Variants in CSMD1 observed in about 807,000 individuals in gnomAD.
CSMD1 encodes CUB and sushi domain-containing protein 1.
In CSMD1, 213 loss-of-function variants were observed where a neutral mutation model predicts 417.5. The observed-to-expected ratio is 0.51, with a 90% CI of 0.46 to 0.57. The LOEUF (loss-of-function observed/expected upper bound fraction) is 0.57, where lower values mean the gene tolerates loss of function less well. CSMD1 is among the 20% of genes least tolerant of loss of function. CSMD1 has a pLI of 0.00. For synonymous variants in CSMD1, 2,862 were observed against 1,736.8 expected (o/e 1.65, Z -16.11); for missense variants, 6,923 against 4,529.7 (o/e 1.53, Z -15.17).
At chr8:3,996,130 A>C (rs1815194554) in intron 5 of CSMD1, among the ~76,000 whole-genome samples, 2 of 152,214 alleles carry the variant, frequency 1.3e-5, no homozygotes, top group Non-Finnish European at 2.9e-5. Context: ...TTTCTTTGGC[A>C]AAAGCTGCCA....
chr8:3,239,244 G>C (rs770032162), intron 26 of CSMD1, among the ~76,000 whole-genome samples: 12 of 152,114 alleles, frequency 7.9e-5, no homozygotes, highest in Admixed American at 2.6e-4. Context: ...TGAATACCAA[G>C]AGCCTGAAAA....
intron 3 of CSMD1, among the ~76,000 whole-genome samples, chr8:4,355,150 T>A (rs1229128500): frequency 1.3e-5 from 2 of 151,882 alleles, no homozygotes; most frequent in Non-Finnish European, 2.9e-5. Context: ...CAGTCCCAGC[T>A]ACTCAGGAGG....
At chr8:4,345,470 C>G (rs377306747) in intron 3 of CSMD1, among the ~76,000 whole-genome samples, 1 of 145,842 alleles carries the variant, frequency 6.9e-6, no homozygotes, top group African/African-American at 2.5e-5. Flanking sequence ...GGAATTACAT[C>G]AAACTACAAA....
At chr8:4,569,095 G>C (rs1391000595) in intron 2 of CSMD1, among the ~76,000 whole-genome samples, 1 of 152,114 alleles carries the variant, frequency 6.6e-6, no homozygotes, top group Admixed American at 6.6e-5. Context: ...TGTTCACTGT[G>C]ATGATAGTTT....
At chr8:3,096,796 G>T in intron 47 of CSMD1, 53 bp downstream of exon 47, 1 of 1,137,890 alleles carries the variant, frequency 8.8e-7, no homozygotes, top group Non-Finnish European at 1.2e-6. Context: ...TTGTAATAGT[G>T]TTTTTATCAA....
chr8:3,713,780 T>C (rs1039530358), intron 6 of CSMD1, among the ~76,000 whole-genome samples: 3 of 152,194 alleles, frequency 2.0e-5, no homozygotes, highest in African/African-American at 7.2e-5. Context: ...CAGAGGAAAT[T>C]GTTTTGTGTA....
intron 2 of CSMD1, among the ~76,000 whole-genome samples, chr8:4,451,298 C>A (rs1154071): frequency 1.3e-5 from 2 of 152,074 alleles, no homozygotes; most frequent in South Asian, 4.1e-4. Flanking sequence ...ATGACTCCAT[C>A]AATCAACCAC....
At chr8:3,991,895 A>G (rs1484772483) in intron 5 of CSMD1, among the ~76,000 whole-genome samples, 4 of 152,196 alleles carry the variant, frequency 2.6e-5, no homozygotes, top group African/African-American at 9.6e-5. Context: ...GAATAGTAGT[A>G]TCTCCAAGTA....
chr8:4,110,043 G>C (rs1285951144), intron 3 of CSMD1, among the ~76,000 whole-genome samples: 3 of 152,142 alleles, frequency 2.0e-5, no homozygotes, highest in Admixed American at 2.0e-4. Flanking sequence ...GCCCAGGCTA[G>C]ACTGAAACTT....
In CSMD1 at chr8:3,533,290, CAATAT is replaced by C. The variant is rs527451845; in HGVS notation, c.1345-39569_1345-39565del. Among the ~76,000 whole-genome samples, 408 of 152,178 alleles carry C rather than the reference CAATAT, an allele frequency of 2.7e-3. 4 individuals are homozygous for C. Among genetic ancestry groups the C allele is most frequent in the African/African-American group, 8.3e-3 (345 of 41,514 alleles). ...TACCTCTTACAAATGTTTAAATGCC[CAATAT>C]AATATAATTAACTATAAACCGAGAT... On this transcript the variant is annotated intron_variant, in intron 10 of 69. Transcript: ENST00000635120.
intron 1 of CSMD1, among the ~76,000 whole-genome samples, chr8:4,981,274 C>G (rs1480644492): frequency 2.0e-5 from 3 of 152,162 alleles, no homozygotes; most frequent in African/African-American, 7.2e-5. Flanking sequence ...AAGCTCTGTC[C>G]AACTTTTCAG....
chr8:3,419,679 T>C (rs527998835), intron 12 of CSMD1, among the ~76,000 whole-genome samples: 96 of 152,244 alleles, frequency 6.3e-4, no homozygotes, highest in African/African-American at 2.3e-3. Context: ...GAGAAATAAT[T>C]CAGATTACTT....
chr8:3,083,979 G>A (rs7350093), intron 49 of CSMD1, among the ~76,000 whole-genome samples: 52,073 of 151,678 alleles, frequency 0.34, 8,967 homozygotes, highest in East Asian at 0.41. Flanking sequence ...TCTATTTTTC[G>A]TTATTACACT....
chr8:4,671,148 C>T (rs1311268575), intron 1 of CSMD1, among the ~76,000 whole-genome samples: 3 of 152,284 alleles, frequency 2.0e-5, no homozygotes, highest in South Asian at 2.1e-4. Flanking sequence ...TCAAATCCTG[C>T]GGCATGATTT....
In CSMD1 at chr8:4,420,083, G is replaced by A; in HGVS notation, c.303-18C>T. ...CCGATAATCTAAATTTAAAAGACAA[G>A]ACACAAAGAGAGTTAAAAGCATGAA... On this transcript the variant is annotated intron_variant, in intron 2 of 69. Coordinates refer to ENST00000635120, the MANE Select transcript of CSMD1 (RefSeq NM_033225.6). 2.0e-6 allele frequency: 3 copies of A among 1,506,396 alleles called. No homozygotes were observed. Among genetic ancestry groups the A allele is most frequent in the South Asian group, 2.4e-5 (2 of 83,050 alleles). The allele number at this position is 1,506,396 out of a possible 1,614,324, so 93.3% of individuals were successfully genotyped here.
intron 4 of CSMD1, among the ~76,000 whole-genome samples, chr8:4,015,983 A>C (rs547673513): frequency 6.6e-6 from 1 of 152,196 alleles, no homozygotes; most frequent in Non-Finnish European, 1.5e-5. Flanking sequence ...GTAGAAAAGC[A>C]CCAAGTCAGA....
At chr8:3,195,353 C>T (rs1044579699) in intron 33 of CSMD1, among the ~76,000 whole-genome samples, 1 of 152,034 alleles carries the variant, frequency 6.6e-6, no homozygotes, top group African/African-American at 2.4e-5. Context: ...CCTCTCTTGG[C>T]CTCTGTTTTC....
At chr8:4,434,087 C>G (rs1262140101) in intron 2 of CSMD1, among the ~76,000 whole-genome samples, 1 of 152,096 alleles carries the variant, frequency 6.6e-6, no homozygotes, top group African/African-American at 2.4e-5. Context: ...CCTGTGATCC[C>G]AGCACTTTGG....
chr8:3,331,002 G>A (rs1379053399), intron 23 of CSMD1, among the ~76,000 whole-genome samples: 1 of 152,048 alleles, frequency 6.6e-6, no homozygotes, highest in African/African-American at 2.4e-5. Context: ...TGTAATCCCA[G>A]GACTTTGGGA....
Sources: gnomAD v4.1 joint callset for allele counts (sites outside exome capture counted in the v4.1 genomes callset) on GRCh38, gnomAD v4.1.1 for gene constraint, MANE v1.5 for transcripts, NCBI Gene and HGNC (gene_info 2026-07-23, HGNC 2026-07-21) for gene names.